Variants in TMEM248 observed in about 807,000 individuals in gnomAD.
The protein encoded by TMEM248 is transmembrane protein 248.
A neutral mutation model predicts 30.3 loss-of-function variants in TMEM248; 9 were observed. That is an observed-to-expected ratio of 0.30 (90% confidence interval 0.18 to 0.52). The LOEUF is 0.52. Ranked by LOEUF, TMEM248 falls within the 20% of genes least tolerant of loss-of-function variation. The pLI, the probability that TMEM248 is intolerant of heterozygous loss-of-function variation, is 0.97. For synonymous variants in TMEM248, 184 were observed against 154.4 expected (o/e 1.19, Z -1.42); for missense variants, 338 against 403.3 (o/e 0.84, Z 1.39).
intron 5 of TMEM248, among the ~76,000 whole-genome samples, chr7:66,952,231 G>A (rs142719806): frequency 4.5e-4 from 68 of 152,180 alleles, no homozygotes; most frequent in African/African-American, 1.3e-3. Context: ...CTGCCAACAC[G>A]CCCAGCTAAT....
Position 66,939,255 on chromosome 7 carries a change from G to T in TMEM248, c.-18-2593G>T, listed in dbSNP as rs190076073. Among the ~76,000 whole-genome samples, 4 of 152,278 alleles carry T rather than the reference G, an allele frequency of 2.6e-5. No individual in the cohort carries two copies. The East Asian group carries it at 5.8e-4, about 22-fold the overall frequency. The stretch of plus-strand genomic sequence containing the variant: ...AAGACAGGCCCTACTCTGTGACTTT[G>T]TTGTACTACAGCCACTCTTGTACCT... On this transcript the variant is annotated intron_variant, in intron 1 of 6. Coordinates refer to ENST00000341567, the MANE Select transcript of TMEM248 (RefSeq NM_017994.5).
rs113278701 is a variant in TMEM248 at position 66,927,438 on chromosome 7, CT to C, written c.-19+5991del. Among the ~76,000 whole-genome samples, 907 of 142,240 alleles carry C rather than the reference CT, an allele frequency of 6.4e-3. 2 individuals are homozygous for C. Among genetic ancestry groups the C allele is most frequent in the African/African-American group, 0.011 (432 of 39,036 alleles). 93.3% of individuals were successfully genotyped at this position (142,240 alleles called of 152,430 possible). A position where few individuals can be genotyped will look rare whatever the true frequency, so the allele number is the denominator to read the frequency against. On this transcript the variant is annotated intron_variant, in intron 1 of 6. Transcript: ENST00000341567. ...TTTCTCTTGTAATTTCTTATTTGAT[CT>C]TTTTTTTTTTTTTGAGACAAGGTTT...
chr7:66,958,150 A>G lies in TMEM248; in HGVS notation c.*2628A>G, dbSNP rs2129227440. On this transcript the variant is annotated 3_prime_UTR_variant, in exon 7 of 7. Coordinates refer to ENST00000341567, the MANE Select transcript of TMEM248 (RefSeq NM_017994.5). ...CTTGCTGTTCAGGGCGGCCCCGTGC[A>G]GGAGCACCAGCTCACCCTCAGGCAT... 1 of 152,774 alleles carries G rather than the reference A, an allele frequency of 6.5e-6. No individual in the cohort carries two copies. The highest frequency in any genetic ancestry group is 1.9e-4 in the East Asian group (1 of 5,200). The allele number at this position is 152,774 out of a possible 1,614,324, so 9.5% of individuals were successfully genotyped here.
At chr7:66,938,603 G>GTTCAACTGATTCTCCTGC (rs1791864686) in intron 1 of TMEM248, among the ~76,000 whole-genome samples, 1 of 152,292 alleles carries the variant, frequency 6.6e-6, no homozygotes, top group African/African-American at 2.4e-5. Context: ...CGCCCTCCGG[G>GTTCAACTGATTCTCCTGC]TTCAACTGAT....
At position 66,941,902 on chromosome 7, in the gene TMEM248, T is replaced by C; in HGVS notation, c.37T>C (p.Tyr13His). The C allele has an allele frequency of 6.2e-7, 1 of 1,614,112 alleles. No individual in the cohort carries two copies. The highest frequency in any genetic ancestry group is 8.5e-7 in the Non-Finnish European group (1 of 1,180,012). The stretch of plus-strand genomic sequence containing the variant: ...CAACCCCCTGGAGAACCTGAAGGTG[T>C]ACATCAGCAGTCGGCCTCCCCTGGT... ...SINPLENLKV[Y>H]ISSRPPLVVF... Residue 13 changes from tyrosine (Y) to histidine (H), a missense_variant, in exon 2 of 7, where the codon TAC (tyrosine) becomes CAC (histidine). By Grantham distance (83) the Tyr-to-His change is moderately conservative (BLOSUM62 2). Transcript: ENST00000341567.
intron 1 of TMEM248, among the ~76,000 whole-genome samples, chr7:66,933,985 G>T (rs1791736657): frequency 6.6e-6 from 1 of 150,998 alleles, no homozygotes; most frequent in South Asian, 2.1e-4. Context: ...TTCCTAAACA[G>T]AACTTAATTT....
chr7:66,953,455 T>C (rs1792320748), intron 6 of TMEM248, 86 bp downstream of exon 6: 2 of 1,516,406 alleles, frequency 1.3e-6, no homozygotes, highest in Admixed American at 4.1e-5. Flanking sequence ...CTATTTATTG[T>C]GGGTGGCACC....
chr7:66,951,230 C>G, intron 5 of TMEM248, 95 bp downstream of exon 5: 1 of 1,235,738 alleles, frequency 8.1e-7, no homozygotes, highest in Non-Finnish European at 1.1e-6. Flanking sequence ...CTGCTGACTT[C>G]CCTGGGTAAG....
At chr7:66,944,900 G>C in intron 2 of TMEM248, 76 bp from the exon 3 acceptor site, 9 of 1,498,302 alleles carry the variant, frequency 6.0e-6, no homozygotes, top group Non-Finnish European at 6.4e-6. Context: ...TGCCACACTG[G>C]GGTCTTACCT....
chr7:66,948,439 G>A, intron 3 of TMEM248, 105 bp from the exon 4 acceptor site: 1 of 1,375,680 alleles, frequency 7.3e-7, no homozygotes, highest in Non-Finnish European at 9.9e-7. Context: ...TGCCTGGGCT[G>A]ATAGATGATT....
chr7:66,929,169 A>G (rs777632573), intron 1 of TMEM248, among the ~76,000 whole-genome samples: 10 of 152,194 alleles, frequency 6.6e-5, no homozygotes, highest in African/African-American at 1.9e-4. Context: ...TCTGGAGGCC[A>G]ACTGGATTTG....
At chr7:66,946,472 C>G (rs1396065881) in intron 3 of TMEM248, among the ~76,000 whole-genome samples, 1 of 151,788 alleles carries the variant, frequency 6.6e-6, no homozygotes, top group Non-Finnish European at 1.5e-5. Flanking sequence ...CCCAGCCACT[C>G]TGGAGGCTGA....
chr7:66,951,367 C>T (rs527517006), intron 5 of TMEM248: 1 of 388,718 alleles, frequency 2.6e-6, no homozygotes, highest in African/African-American at 2.1e-5. Context: ...CTCTGTTGTT[C>T]AGCAGCAGTT....
At chr7:66,922,017 A>G (rs938530593) in intron 1 of TMEM248, 7 of 152,212 alleles carry the variant, frequency 4.6e-5, no homozygotes, top group African/African-American at 1.7e-4. Flanking sequence ...AGTTCCCTTG[A>G]TGGGGACCAT....
At chr7:66,938,247 C>T (rs1283226368) in intron 1 of TMEM248, among the ~76,000 whole-genome samples, 4 of 151,728 alleles carry the variant, frequency 2.6e-5, no homozygotes, top group Admixed American at 2.0e-4. Context: ...TCTTTCTTTC[C>T]TTCCTTCCTG....
chr7:66,931,284 C>T (rs1032589779), intron 1 of TMEM248, among the ~76,000 whole-genome samples: 12 of 120,298 alleles, frequency 1.0e-4, no homozygotes, highest in African/African-American at 3.3e-4. Flanking sequence ...GGTGACAGTG[C>T]GAGACAATAT....
At chr7:66,927,640 A>G (rs1190655835) in intron 1 of TMEM248, among the ~76,000 whole-genome samples, 5 of 100,246 alleles carry the variant, frequency 5.0e-5, no homozygotes, top group Admixed American at 1.0e-4. Flanking sequence ...TTTTTTTTTT[A>G]GGGACGGGGT....
intron 6 of TMEM248, among the ~76,000 whole-genome samples, chr7:66,954,840 C>T (rs1792363560): frequency 6.6e-6 from 1 of 152,212 alleles, no homozygotes; most frequent in Non-Finnish European, 1.5e-5. Context: ...ATACCCAAGC[C>T]TCTGTTGCTA....
intron 1 of TMEM248, chr7:66,930,636 G>C (rs1349936620): frequency 6.6e-6 from 1 of 152,452 alleles, no homozygotes; most frequent in African/African-American, 2.4e-5. Context: ...ACTGCTTTGC[G>C]GTGGGGCAGG....
Sources: gnomAD v4.1 joint callset for allele counts (sites outside exome capture counted in the v4.1 genomes callset) on GRCh38, gnomAD v4.1.1 for gene constraint, MANE v1.5 for transcripts, NCBI Gene and HGNC (gene_info 2026-07-23, HGNC 2026-07-21) for gene names.